Variants in TAFA2 observed in about 807,000 individuals in gnomAD.
The protein encoded by TAFA2 is TAFA chemokine like family member 2, also known as chemokine-like protein TAFA-2.
A neutral mutation model predicts 18.8 loss-of-function variants in TAFA2; 7 were observed. The observed-to-expected ratio is 0.37, with a 90% CI of 0.21 to 0.70. The LOEUF is 0.70. TAFA2 is among the 30% of genes least tolerant of loss of function. TAFA2 has a pLI of 0.53. For synonymous variants in TAFA2, 60 were observed against 54.2 expected, an observed-to-expected ratio of 1.11 and a Z score of -0.47; for missense variants, 122 against 158.1, an observed-to-expected ratio of 0.77 and a Z score of 1.23.
chr12:61,733,183 G>A (rs1398398797), intron 4 of TAFA2, among the ~76,000 whole-genome samples: 2 of 152,150 alleles, frequency 1.3e-5, no homozygotes, highest in African/African-American at 4.8e-5. Flanking sequence ...CCCTCTGTCA[G>A]ATGAGTAGGT....
At chr12:61,785,361 T>TGTGTGTGTGTGTG (rs1870692724) in intron 2 of TAFA2, among the ~76,000 whole-genome samples, 7 of 83,262 alleles carry the variant, frequency 8.4e-5, no homozygotes, top group African/African-American at 2.3e-4. Context: ...GTGTGTGTGT[T>TGTGTGTGTGTGTG]TGTGTGTGTG....
At chr12:62,130,713 T>C (rs564958022) in intron 1 of TAFA2, among the ~76,000 whole-genome samples, 2 of 152,100 alleles carry the variant, frequency 1.3e-5, no homozygotes, top group Middle Eastern at 3.4e-3. Flanking sequence ...ATAATGGTCT[T>C]CTCTAAGTGA....
At chr12:61,745,655 GA>G (rs1426108423) in intron 4 of TAFA2, among the ~76,000 whole-genome samples, 1 of 151,962 alleles carries the variant, frequency 6.6e-6, no homozygotes, top group Non-Finnish European at 1.5e-5. Context: ...GTGGTATGCA[GA>G]ATTCCAAAGA....
chr12:61,799,366 G>A (rs902469835), intron 2 of TAFA2, among the ~76,000 whole-genome samples: 4 of 152,130 alleles, frequency 2.6e-5, no homozygotes, highest in African/African-American at 9.7e-5. Context: ...ATCCTATCTT[G>A]AGATCATGTT....
Position 62,031,927 on chromosome 12 carries a change from T to C in TAFA2, c.-2+159332A>G, listed in dbSNP as rs532028560. Among the ~76,000 whole-genome samples, 7 of 152,330 alleles carry C rather than the reference T, an allele frequency of 4.6e-5. No homozygotes were observed. The South Asian group carries it at 6.2e-4, about 14-fold the overall frequency. ...CAATTTAGTTTATCCGATAAGAAAA[T>C]TTAGCTAGTATATTATGAGAAATAT... On this transcript the variant is annotated intron_variant, in intron 1 of 4. Transcript: ENST00000416284.
chr12:61,733,330 G>C (rs28672870), intron 4 of TAFA2, among the ~76,000 whole-genome samples: 42,753 of 151,716 alleles, frequency 0.28, 6,695 homozygotes, highest in South Asian at 0.38. Flanking sequence ...TGGTGTTTTA[G>C]ACATGAAGTC....
Position 62,258,698 on chromosome 12 carries a change from A to G in TAFA2, c.-130+65T>C, listed in dbSNP as rs574729555. On this transcript the variant is annotated intron_variant, in intron 1 of 5. Transcript: ENST00000551619. Reference sequence around the variant, plus strand: ...CTTAAGGTAGGTATTATTATACTCAATTTTATGATTCAATTAAAGGGCAAG... The same window carrying G: ...CTTAAGGTAGGTATTATTATACTCAGTTTTATGATTCAATTAAAGGGCAAG... 18 of 325,342 alleles carry G rather than the reference A, an allele frequency of 5.5e-5. 1 individual carries two copies. Among genetic ancestry groups the G allele is most frequent in the African/African-American group, 3.8e-4 (17 of 44,742 alleles). The allele number at this position is 325,342 out of a possible 1,614,324, so 20.2% of individuals were successfully genotyped here.
intron 1 of TAFA2, chr12:62,023,838 A>C (rs138435865): frequency 1.3e-5 from 2 of 152,094 alleles, no homozygotes; most frequent in African/African-American, 2.4e-5. Context: ...TCCCCCAAAA[A>C]CTTCCCATAT....
At chr12:62,120,488 G>C (rs1426183223) in intron 1 of TAFA2, among the ~76,000 whole-genome samples, 1 of 152,172 alleles carries the variant, frequency 6.6e-6, no homozygotes, top group East Asian at 1.9e-4. Flanking sequence ...CATTGGCATA[G>C]AAAATGTTGA....
chr12:62,148,804 A>T (rs1469084402), intron 1 of TAFA2, among the ~76,000 whole-genome samples: 1 of 152,190 alleles, frequency 6.6e-6, no homozygotes, highest in African/African-American at 2.4e-5. Context: ...TAACCGGTAT[A>T]CTCAATTGGA....
chr12:61,733,776 G>A lies in TAFA2; in HGVS notation c.384+19846C>T, dbSNP rs190675843. ...TGCTGGCTCTTTTTTGGTTCCATACGAACTTTAAAGTAGCTTTTTCCAATT... is the reference window on the plus strand; with the variant it reads ...TGCTGGCTCTTTTTTGGTTCCATACAAACTTTAAAGTAGCTTTTTCCAATT... On this transcript the variant is annotated intron_variant, in intron 4 of 4. Coordinates refer to ENST00000416284, the MANE Select transcript of TAFA2 (RefSeq NM_178539.5). Among the ~76,000 whole-genome samples the A allele has an allele frequency of 1.6e-4, 25 of 152,114 alleles. 1 individual carries two copies. The East Asian group carries it at 4.1e-3, about 25-fold the overall frequency.
At chr12:61,997,726 A>C (rs932277757) in intron 1 of TAFA2, among the ~76,000 whole-genome samples, 1 of 152,276 alleles carries the variant, frequency 6.6e-6, no homozygotes. Flanking sequence ...GAAGGGAAGA[A>C]GAAACCATTC....
intron 4 of TAFA2, chr12:61,720,639 A>C (rs1427650406): frequency 4.1e-6 from 1 of 246,340 alleles, no homozygotes; most frequent in Non-Finnish European, 8.2e-6. Flanking sequence ...AATGGTAACC[A>C]CAAGAAAGAA....
At chr12:61,818,004 C>T (rs79820298) in intron 2 of TAFA2, among the ~76,000 whole-genome samples, 5,210 of 152,238 alleles carry the variant, frequency 0.034, 178 homozygotes, top group East Asian at 0.17. Context: ...CCAAAGCAGA[C>T]TCTCCCCAGT....
At chr12:61,825,016 GA>G (rs1441980359) in intron 2 of TAFA2, among the ~76,000 whole-genome samples, 1 of 152,092 alleles carries the variant, frequency 6.6e-6, no homozygotes, top group East Asian at 1.9e-4. Flanking sequence ...ATTCCCATGG[GA>G]ATAATATTGA....
At chr12:61,878,668 A>T (rs916319760) in intron 1 of TAFA2, among the ~76,000 whole-genome samples, 16 of 152,200 alleles carry the variant, frequency 1.1e-4, no homozygotes, top group African/African-American at 3.9e-4. Context: ...GCTCTGCATG[A>T]TCACACACAT....
At chr12:61,725,089 T>G (rs1870097296) in intron 4 of TAFA2, among the ~76,000 whole-genome samples, 1 of 151,346 alleles carries the variant, frequency 6.6e-6, no homozygotes, top group Admixed American at 6.6e-5. Flanking sequence ...AATTTGTATA[T>G]CTTTCTTTTT....
chr12:61,789,005 G>A (rs940438614), intron 2 of TAFA2, among the ~76,000 whole-genome samples: 1 of 151,652 alleles, frequency 6.6e-6, no homozygotes, highest in Non-Finnish European at 1.5e-5. Flanking sequence ...TTTTTTTCTT[G>A]TAAACTTGTT....
chr12:61,714,319 C>T (rs561113320), intron 4 of TAFA2, among the ~76,000 whole-genome samples: 1 of 152,204 alleles, frequency 6.6e-6, no homozygotes, highest in Admixed American at 6.5e-5. Context: ...GTGCTGCACA[C>T]CAGCCAGTTT....
Sources: allele counts gnomAD v4.1 joint callset (sites outside exome capture counted in the v4.1 genomes callset), GRCh38; gene constraint gnomAD v4.1.1; transcripts MANE v1.5; gene names NCBI Gene and HGNC (gene_info 2026-07-23, HGNC 2026-07-21).